The following IQGAP2 variants were observed in gnomAD, a reference collection of about 807,000 sequenced individuals.
IQGAP2 encodes the protein IQ motif containing GTPase activating protein 2.
In IQGAP2, 173 loss-of-function variants were observed where a neutral mutation model predicts 201.3. That is an observed-to-expected ratio of 0.86 (90% CI 0.76 to 0.98). The LOEUF is 0.98. Among genes scored for constraint, IQGAP2 ranks in the 50% least tolerant of loss-of-function variants. The probability of loss-of-function intolerance (pLI) is 0.00; values close to 1 mark genes in which losing one functional copy is unlikely to be tolerated. For missense variants in IQGAP2, 1,687 were observed against 1,864.8 expected (o/e 0.90, Z 1.76); for synonymous variants, 675 against 673.9 (o/e 1.00, Z -0.03).
chr5:76,519,263 C>T (rs901456886), intron 2 of IQGAP2, among the ~76,000 whole-genome samples: 1 of 152,214 alleles, frequency 6.6e-6, no homozygotes, highest in South Asian at 2.1e-4. Context: ...AACTACTGAT[C>T]TATGGTTTTA....
In IQGAP2 at chr5:76,689,612, G is replaced by C. The variant is rs1156765938; in HGVS notation, c.3906-3743G>C. On this transcript the variant is annotated intron_variant, in intron 30 of 35. Coordinates refer to ENST00000274364, the MANE Select transcript of IQGAP2 (RefSeq NM_006633.5). ...TTTAATCATACTTAGCTGCTTGAGT[G>C]CTTAAATTGTCATCTCTTAAGAATT... 2.6e-5 allele frequency among the ~76,000 whole-genome samples: 4 copies of C among 152,116 alleles called. No individual in the cohort carries two copies. The East Asian group carries it at 7.7e-4, about 29-fold the overall frequency.
chr5:76,699,940 T>A lies in IQGAP2; in HGVS notation c.4368-1136T>A, dbSNP rs1477281257. ...CTCTCTCTCTCTCTCTCTCTCTCTC[T>A]CTCACTCTCGTGCTCTCTCTCTCTA... On this transcript the variant is annotated intron_variant, in intron 33 of 35. Transcript: ENST00000274364. Among the ~76,000 whole-genome samples the A allele has an allele frequency of 3.3e-5, 4 of 119,712 alleles. 1 individual carries two copies. Among genetic ancestry groups the A allele is most frequent in the African/African-American group, 1.3e-4 (4 of 30,794 alleles). 78.5% of individuals were successfully genotyped at this position (119,712 alleles called of 152,430 possible).
Position 76,677,205 on chromosome 5 carries a change from C to T in IQGAP2, c.3528-13C>T. 1 of 1,610,552 alleles carries T rather than the reference C, an allele frequency of 6.2e-7. No individual in the cohort carries two copies. Among genetic ancestry groups the T allele is most frequent in the Non-Finnish European group, 8.5e-7 (1 of 1,178,486 alleles). On this transcript the variant is annotated splice_polypyrimidine_tract_variant and intron_variant, in intron 27 of 35. Transcript: ENST00000274364. ...GTTTGAGTCTGTCTTAAGACTTTTC[C>T]CCCCTTTATTAGGAAATATTTCAAA...
intron 5 of IQGAP2, 141 bp from the exon 6 acceptor site, chr5:76,588,765 C>T: frequency 2.4e-6 from 1 of 418,348 alleles, no homozygotes; most frequent in East Asian, 4.8e-5. Context: ...CCCAGAGACT[C>T]AGTTTCCTCA....
intron 28 of IQGAP2, chr5:76,677,577 A>G: frequency 2.9e-6 from 1 of 344,736 alleles, no homozygotes. Context: ...TGACTCCTAG[A>G]CATTAATAAA....
Position 76,674,631 on chromosome 5 carries a change from C to A in IQGAP2, c.3449C>A (p.Ser1150Tyr). 1 of 1,614,118 alleles carries A rather than the reference C, an allele frequency of 6.2e-7. No individual in the cohort carries two copies. The highest frequency in any genetic ancestry group is 8.5e-7 in the Non-Finnish European group (1 of 1,179,990). The change falls in exon 27 of 36, where the codon TCC (serine) becomes TAC (tyrosine). Residue 1150 changes from serine (S) to tyrosine (Y), a missense_variant. By Grantham distance (144) the Ser-to-Tyr change is moderately radical. Coordinates refer to ENST00000274364, the MANE Select transcript of IQGAP2 (RefSeq NM_006633.5). ...SVAKVLQHAASNKLFEGENEH... is the reference protein window; with the variant it reads ...SVAKVLQHAAYNKLFEGENEH... ...GCCAAGGTTCTTCAGCACGCAGCCT[C>A]CAACAAGCTGTTTGAAGGAGAAAAT...
intron 14 of IQGAP2, among the ~76,000 whole-genome samples, chr5:76,631,156 G>T (rs1335819368): frequency 1.3e-5 from 2 of 152,106 alleles, no homozygotes; most frequent in Non-Finnish European, 2.9e-5. Flanking sequence ...TTTACTGGTT[G>T]TGAAAACTCT....
chr5:76,654,224 A>T lies in IQGAP2; in HGVS notation c.2203A>T (p.Thr735Ser). The T allele has an allele frequency of 6.2e-7, 1 of 1,610,750 alleles. No homozygotes were observed. The highest frequency in any genetic ancestry group is 8.5e-7 in the Non-Finnish European group (1 of 1,178,534). The change falls in exon 19 of 36, where the codon ACT becomes TCT. Residue 735 changes from threonine to serine, a missense_variant. Thr to Ser is a moderately conservative substitution (Grantham distance 58). Coordinates refer to ENST00000274364, the MANE Select transcript of IQGAP2 (RefSeq NM_006633.5). ...VKIQSWFRMA[T>S]ARKSYLSRLQ... ...GATTCAGTCCTGGTTCCGAATGGCA[A>T]CTGCAAGAAAGAGCTATCTTTCAAG...
At chr5:76,551,297 G>A (rs879498761) in intron 2 of IQGAP2, among the ~76,000 whole-genome samples, 8 of 151,858 alleles carry the variant, frequency 5.3e-5, no homozygotes, top group Admixed American at 5.2e-4. Flanking sequence ...TCAGATGATG[G>A]GCGGCCGGGC....
chr5:76,461,761 A>G (rs377145362), intron 2 of IQGAP2, 92 bp downstream of exon 2: 1 of 826,390 alleles, frequency 1.2e-6, no homozygotes, highest in East Asian at 2.6e-5. Flanking sequence ...GGGTTCTGAA[A>G]TGGGCCAGCA....
chr5:76,405,222 G>A (rs773647503), intron 1 of IQGAP2, among the ~76,000 whole-genome samples: 3 of 152,226 alleles, frequency 2.0e-5, no homozygotes, highest in Non-Finnish European at 4.4e-5. Flanking sequence ...GTGCATCTGT[G>A]ATGCTGCTTG....
At chr5:76,623,036 T>C in intron 13 of IQGAP2, 3 of 799,878 alleles carry the variant, frequency 3.8e-6, no homozygotes, top group Middle Eastern at 2.3e-4. Flanking sequence ...ATTCTACCTT[T>C]TAATAATAAA....
rs77201134 is a variant in IQGAP2, at chr5:76,523,690, A to C, written c.147-38706A>C. ...AGAATGGGGGCATCATCAGCAATCT[A>C]TTCTGGAGCATACATTTTTAAAGTG... is the stretch of plus-strand genomic sequence containing the variant. On this transcript the variant is annotated intron_variant, in intron 2 of 35. Coordinates refer to ENST00000274364, the MANE Select transcript of IQGAP2 (RefSeq NM_006633.5). 2.6e-5 allele frequency among the ~76,000 whole-genome samples: 4 copies of C among 152,288 alleles called. No individual in the cohort carries two copies. In the East Asian group the frequency reaches 5.8e-4, roughly 22 times the overall value.
intron 15 of IQGAP2, among the ~76,000 whole-genome samples, chr5:76,632,368 G>A (rs1178473088): frequency 6.6e-6 from 1 of 152,092 alleles, no homozygotes; most frequent in East Asian, 1.9e-4. Context: ...CTAATCCTTT[G>A]TGATTGCACA....
intron 28 of IQGAP2, 117 bp downstream of exon 28, chr5:76,677,467 T>G: frequency 1.2e-6 from 1 of 847,336 alleles, no homozygotes; most frequent in African/African-American, 1.7e-5. Flanking sequence ...CTCATATTCT[T>G]AACCCTAAAA....
At chr5:76,592,718 G>A (rs1746747862) in intron 8 of IQGAP2, 120 bp from the exon 9 acceptor site, 4 of 703,270 alleles carry the variant, frequency 5.7e-6, no homozygotes, top group Non-Finnish European at 1.0e-5. Flanking sequence ...ACAAATGCTT[G>A]CAATGAATTT....
At chr5:76,565,995 C>T (rs188705085) in intron 3 of IQGAP2, among the ~76,000 whole-genome samples, 65 of 152,220 alleles carry the variant, frequency 4.3e-4, no homozygotes, top group African/African-American at 1.5e-3. Context: ...AACCACTGCT[C>T]TAACAGGTGA....
At chr5:76,526,366 G>A (rs1213846411) in intron 2 of IQGAP2, among the ~76,000 whole-genome samples, 1 of 152,058 alleles carries the variant, frequency 6.6e-6, no homozygotes, top group Non-Finnish European at 1.5e-5. Flanking sequence ...TGCTAGGCAG[G>A]GAACTCAAAG....
At chr5:76,428,128 G>A (rs961629792) in intron 1 of IQGAP2, among the ~76,000 whole-genome samples, 2 of 152,194 alleles carry the variant, frequency 1.3e-5, no homozygotes, top group African/African-American at 2.4e-5. Context: ...CTCCCTGGGT[G>A]TGGTTTGAGC....
Sources: gnomAD v4.1 joint callset for allele counts (sites outside exome capture counted in the v4.1 genomes callset) on GRCh38, gnomAD v4.1.1 for gene constraint, MANE v1.5 for transcripts, NCBI Gene and HGNC (gene_info 2026-07-23, HGNC 2026-07-21) for gene names.